The following PPFIA1 variants were observed in gnomAD, a reference collection of about 807,000 sequenced individuals.
The protein encoded by PPFIA1 is PPFI scaffold protein A1.
PPFIA1 carries 25 observed loss-of-function variants against 149.9 expected under a neutral mutation model. That is an observed-to-expected ratio of 0.17 (90% CI 0.12 to 0.23). PPFIA1 has a LOEUF of 0.23. PPFIA1 is among the 10% of genes least tolerant of loss of function. The pLI, the probability that PPFIA1 is intolerant of heterozygous loss-of-function variation, is 1.00. For synonymous variants in PPFIA1, 549 were observed against 552.8 expected (o/e 0.99, Z 0.10); for missense variants, 1,362 against 1,506.5 (o/e 0.90, Z 1.59).
chr11:70,291,546 A>G (rs1349733546), intron 2 of PPFIA1, among the ~76,000 whole-genome samples: 1 of 152,238 alleles, frequency 6.6e-6, no homozygotes, highest in Non-Finnish European at 1.5e-5. Context: ...GGGCGATCTC[A>G]GCAGACAGGC....
chr11:70,291,359 G>A (rs2051513771), intron 2 of PPFIA1, among the ~76,000 whole-genome samples: 1 of 152,230 alleles, frequency 6.6e-6, no homozygotes, highest in Admixed American at 6.5e-5. Context: ...AATTTGAATA[G>A]TGTGACGTGG....
chr11:70,302,749 C>T (rs149053619), intron 2 of PPFIA1, among the ~76,000 whole-genome samples: 2 of 151,366 alleles, frequency 1.3e-5, no homozygotes, highest in East Asian at 3.9e-4. Context: ...GTAAATGTAG[C>T]CGTAGATACT....
At chr11:70,294,220 G>C (rs533983455) in intron 2 of PPFIA1, among the ~76,000 whole-genome samples, 22 of 152,108 alleles carry the variant, frequency 1.4e-4, no homozygotes, top group African/African-American at 5.3e-4. Flanking sequence ...GGGATGACAG[G>C]TGCGAGCCAC....
intron 25 of PPFIA1, among the ~76,000 whole-genome samples, 185 bp downstream of exon 25, chr11:70,376,785 A>T (rs930122441): frequency 1.3e-5 from 2 of 152,168 alleles, no homozygotes; most frequent in African/African-American, 4.8e-5. Context: ...AAAAACTAAT[A>T]CCTGGGCCGG....
At chr11:70,320,291 G>A (rs2053858526) in intron 2 of PPFIA1, 1 of 152,226 alleles carries the variant, frequency 6.6e-6, no homozygotes, top group Admixed American at 6.5e-5. Flanking sequence ...TAGAAACCTA[G>A]CATGGTAAGC....
At chr11:70,274,946 A>G (rs948454800) in intron 2 of PPFIA1, among the ~76,000 whole-genome samples, 12 of 152,110 alleles carry the variant, frequency 7.9e-5, no homozygotes, top group Non-Finnish European at 1.5e-4. Flanking sequence ...GGATATGTGT[A>G]CACTTCTGTT....
chr11:70,316,030 A>G (rs2053605698), intron 2 of PPFIA1, among the ~76,000 whole-genome samples: 1 of 151,812 alleles, frequency 6.6e-6, no homozygotes, highest in South Asian at 2.1e-4. Flanking sequence ...CTCAAGGTTC[A>G]CCCATATTGT....
chr11:70,329,621 T>G (rs1345757074), intron 7 of PPFIA1, among the ~76,000 whole-genome samples: 2 of 152,098 alleles, frequency 1.3e-5, no homozygotes, highest in Non-Finnish European at 2.9e-5. Context: ...TAATTTTTGT[T>G]TCTTTAAAAT....
intron 2 of PPFIA1, among the ~76,000 whole-genome samples, chr11:70,289,708 A>G (rs1199366443): frequency 6.6e-6 from 1 of 152,246 alleles, no homozygotes; most frequent in Non-Finnish European, 1.5e-5. Context: ...AGCTGGGACT[A>G]CAGGCATGCG....
At chr11:70,354,549 T>C in intron 17 of PPFIA1, 97 bp downstream of exon 17, 1 of 1,309,028 alleles carries the variant, frequency 7.6e-7, no homozygotes. Context: ...AACAGTGATT[T>C]TGTAGAATTA....
chr11:70,296,756 AGG>A (rs2052069198), intron 2 of PPFIA1, among the ~76,000 whole-genome samples: 1 of 19,634 alleles, frequency 5.1e-5, no homozygotes, highest in Admixed American at 6.7e-4. Context: ...AGAGGGAGGG[AGG>A]GAGGGGGAGG....
intron 19 of PPFIA1, among the ~76,000 whole-genome samples, chr11:70,359,456 C>T (rs771244272): frequency 1.3e-5 from 2 of 152,158 alleles, no homozygotes; most frequent in African/African-American, 4.8e-5. Flanking sequence ...CAGAACTGTA[C>T]TTGTGGTGGT....
In PPFIA1 at chr11:70,330,175, C is replaced by A; in HGVS notation, c.933C>A (p.Ala311=). 6.3e-7 allele frequency: 1 copy of A among 1,591,262 alleles called. No individual in the cohort carries two copies. The highest frequency in any genetic ancestry group is 8.5e-7 in the Non-Finnish European group (1 of 1,170,990). Residue 311 remains alanine (A), a splice_region_variant and synonymous_variant, in exon 8 of 28, where the codon GCC becomes GCA. Coordinates refer to ENST00000253925, the MANE Select transcript of PPFIA1 (RefSeq NM_003626.5). ...NTKLQRDVRE[A]MAQKEDMEER... is the part of the protein sequence containing the mutation. ...CCCCTCTGAAATACCTAATTTAGGC[C>A]ATGGCCCAAAAGGAAGATATGGAAG... is the stretch of plus-strand genomic sequence containing the variant.
At chr11:70,357,726 T>TA (rs1423545688) in intron 19 of PPFIA1, among the ~76,000 whole-genome samples, 3 of 151,956 alleles carry the variant, frequency 2.0e-5, no homozygotes, top group Non-Finnish European at 2.9e-5. Flanking sequence ...AGCTGGGACT[T>TA]ACAGGCGCCC....
At chr11:70,304,003 C>CAAAAAAAGAAAAGACAAA (rs2052676101) in intron 2 of PPFIA1, among the ~76,000 whole-genome samples, 1 of 144,762 alleles carries the variant, frequency 6.9e-6, no homozygotes, top group Non-Finnish European at 1.5e-5. Context: ...GACTTCGTCT[C>CAAAAAAAGAAAAGACAAA]AAAAAAAGAA....
chr11:70,299,219 A>G (rs1266213994), intron 2 of PPFIA1, among the ~76,000 whole-genome samples: 1 of 152,114 alleles, frequency 6.6e-6, no homozygotes, highest in Admixed American at 6.5e-5. Context: ...AGCCTGGGCA[A>G]CAGAGTGAGT....
At chr11:70,283,701 T>C (rs1171791717) in intron 2 of PPFIA1, among the ~76,000 whole-genome samples, 1 of 140,190 alleles carries the variant, frequency 7.1e-6, no homozygotes, top group Non-Finnish European at 1.5e-5. Context: ...AAGAACAACC[T>C]GGCGGAATTG....
At chr11:70,303,207 C>T (rs577004127) in intron 2 of PPFIA1, among the ~76,000 whole-genome samples, 7 of 152,202 alleles carry the variant, frequency 4.6e-5, no homozygotes, top group African/African-American at 1.4e-4. Flanking sequence ...GACGCAGTGT[C>T]GGGCAGCCCT....
chr11:70,378,984 G>C (rs2057596791), intron 26 of PPFIA1, among the ~76,000 whole-genome samples: 1 of 152,198 alleles, frequency 6.6e-6, no homozygotes, highest in Admixed American at 6.5e-5. Flanking sequence ...GGAGGTGCAT[G>C]ACCCTGAACA....
Sources: gnomAD v4.1 joint callset for allele counts (sites outside exome capture counted in the v4.1 genomes callset) on GRCh38, gnomAD v4.1.1 for gene constraint, MANE v1.5 for transcripts, NCBI Gene and HGNC (gene_info 2026-07-23, HGNC 2026-07-21) for gene names.